Variants in OVCH1 observed in about 807,000 individuals in gnomAD.
OVCH1 encodes ovochymase 1, also known as ovochymase-1.
In OVCH1, 139 loss-of-function variants were observed where a neutral mutation model predicts 138.4. The observed-to-expected ratio is 1.00, with a 90% confidence interval of 0.87 to 1.16. OVCH1 has a LOEUF of 1.16. OVCH1 is among the 50% of genes most tolerant of loss of function. The probability of loss-of-function intolerance (pLI) is 0.00; values close to 1 mark genes in which losing one functional copy is unlikely to be tolerated. For missense variants in OVCH1, 1,367 were observed against 1,357.9 expected, an observed-to-expected ratio of 1.01 and a Z score of -0.11; for synonymous variants, 453 against 467.8, an observed-to-expected ratio of 0.97 and a Z score of 0.41.
rs1233500604 is a variant in OVCH1 at position 29,496,431 on chromosome 12, T to G, written c.183+125A>C. 9 of 1,138,940 alleles carry G rather than the reference T, an allele frequency of 7.9e-6. No individual in the cohort carries two copies. In the South Asian group the frequency reaches 1.2e-4, roughly 16 times the overall value. 70.6% of individuals were successfully genotyped at this position (1,138,940 alleles called of 1,614,324 possible). A position where few individuals can be genotyped will look rare whatever the true frequency, so the allele number is the denominator to read the frequency against. On this transcript the variant is annotated intron_variant, in intron 2 of 27. Transcript: ENST00000318184. ...GTAAGATAGTTCCTACGAAGTAAACTTTTTGGTAGAGAGCTAGAGGGGTTC... is the reference window on the plus strand; with the variant it reads ...GTAAGATAGTTCCTACGAAGTAAACGTTTTGGTAGAGAGCTAGAGGGGTTC...
chr12:29,445,423 C>G lies in OVCH1; in HGVS notation c.2756-20G>C, dbSNP rs947277489. The G allele has an allele frequency of 1.3e-6, 2 of 1,585,922 alleles. No homozygotes were observed. The highest frequency in any genetic ancestry group is 1.4e-5 in the African/African-American group (1 of 73,300). ...ATCCACCTAGGTTAAAAAGTGAACT[C>G]TAGTAAAAAATAAGAATGAAAATTT... is the stretch of plus-strand genomic sequence containing the variant. On this transcript the variant is annotated intron_variant, in intron 22 of 27. Coordinates refer to ENST00000318184, the Ensembl canonical transcript of OVCH1.
At chr12:29,495,810 G>A (rs1269636406) in intron 3 of OVCH1, among the ~76,000 whole-genome samples, 1 of 151,876 alleles carries the variant, frequency 6.6e-6, no homozygotes, top group Non-Finnish European at 1.5e-5. Context: ...CTTTTAATCT[G>A]GTCAAATATT....
At chr12:29,414,475 G>A (rs1452943598) in intron 3 of OVCH1, among the ~76,000 whole-genome samples, 1 of 152,170 alleles carries the variant, frequency 6.6e-6, no homozygotes, top group African/African-American at 2.4e-5. Context: ...GCTGCAGCAA[G>A]CATTCCAGAA....
At chr12:29,486,619 A>T (rs1256770259) in intron 7 of OVCH1, among the ~76,000 whole-genome samples, 1 of 152,218 alleles carries the variant, frequency 6.6e-6, no homozygotes, top group African/African-American at 2.4e-5. Context: ...AAGAGTTAAG[A>T]AAACTCAATT....
downstream of OVCH1, among the ~76,000 whole-genome samples, chr12:29,412,060 C>A (rs1327788968): frequency 2.0e-5 from 3 of 152,120 alleles, no homozygotes; most frequent in Non-Finnish European, 4.4e-5. Flanking sequence ...TGATCTCAGA[C>A]TGCTGTGCTA....
intron 16 of OVCH1, among the ~76,000 whole-genome samples, chr12:29,468,901 C>T (rs73278768): frequency 0.084 from 12,829 of 152,112 alleles, 548 homozygotes; most frequent in African/African-American, 0.095. Flanking sequence ...CATGATTTAT[C>T]ATACCATTCT....
At chr12:29,488,196 G>A (rs1434652201) in intron 6 of OVCH1, among the ~76,000 whole-genome samples, 2 of 151,980 alleles carry the variant, frequency 1.3e-5, no homozygotes, top group South Asian at 4.2e-4. Flanking sequence ...AAGGGAGGTA[G>A]TTACAGATAG....
At chr12:29,491,243 A>G in intron 4 of OVCH1, 51 bp from the exon 5 acceptor site, 1 of 1,409,694 alleles carries the variant, frequency 7.1e-7, no homozygotes. Flanking sequence ...GCCATGTTGA[A>G]TATATTTGGA....
intron 22 of OVCH1, among the ~76,000 whole-genome samples, chr12:29,445,643 C>T (rs1197494269): frequency 1.3e-5 from 2 of 152,040 alleles, no homozygotes; most frequent in South Asian, 2.1e-4. Flanking sequence ...TACTATGTTG[C>T]AGTGCTTCCT....
chr12:29,414,020 C>CTTTTTTT (rs74937229), intron 3 of OVCH1, among the ~76,000 whole-genome samples: 1 of 38,528 alleles, frequency 2.6e-5, no homozygotes. Context: ...CTCTCTCTCT[C>CTTTTTTT]TTTTTTTTTT....
chr12:29,415,779 G>T (rs1222609492), intron 3 of OVCH1, among the ~76,000 whole-genome samples: 1 of 152,070 alleles, frequency 6.6e-6, no homozygotes, highest in Non-Finnish European at 1.5e-5. Flanking sequence ...CACAGCAAGG[G>T]CTGTTGTAGA....
intron 26 of OVCH1, chr12:29,439,291 T>A (rs1941424663): frequency 7.0e-7 from 1 of 1,421,848 alleles, no homozygotes; most frequent in African/African-American, 1.5e-5. Context: ...AGATGTTATA[T>A]AAGCCCAAGT....
intron 26 of OVCH1, chr12:29,433,861 T>C (rs1941311964): frequency 7.5e-7 from 1 of 1,329,910 alleles, no homozygotes; most frequent in Non-Finnish European, 9.9e-7. Context: ...CCAAACTGTA[T>C]TTCAATTAAC....
chr12:29,445,491 C>T (rs1941588921), intron 22 of OVCH1, 88 bp from the exon 23 acceptor site: 1 of 1,294,058 alleles, frequency 7.7e-7, no homozygotes, highest in Non-Finnish European at 1.1e-6. Flanking sequence ...TAATTTAACC[C>T]ACGAGGTAGG....
At chr12:29,460,397 A>T (rs553018913) in intron 19 of OVCH1, among the ~76,000 whole-genome samples, 7 of 152,256 alleles carry the variant, frequency 4.6e-5, no homozygotes, top group African/African-American at 1.7e-4. Flanking sequence ...TACTTTTGTG[A>T]TTTTTATCAG....
intron 8 of OVCH1, among the ~76,000 whole-genome samples, chr12:29,483,240 C>T (rs1322788650): frequency 6.6e-6 from 1 of 152,100 alleles, no homozygotes; most frequent in African/African-American, 2.4e-5. Context: ...ACATTGTACC[C>T]TAGAGGTCCT....
At chr12:29,463,254 C>A (rs770375229) in intron 18 of OVCH1, among the ~76,000 whole-genome samples, 3 of 152,052 alleles carry the variant, frequency 2.0e-5, no homozygotes, top group African/African-American at 7.2e-5. Context: ...CCAGGTAGTG[C>A]GGAATGTGAT....
At chr12:29,423,821 A>G (rs1214766325), downstream of OVCH1, among the ~76,000 whole-genome samples, 1 of 152,222 alleles carries the variant, frequency 6.6e-6, no homozygotes, top group Non-Finnish European at 1.5e-5. Flanking sequence ...GTTAATCTCT[A>G]CATCGTCCTT....
chr12:29,439,358 T>C, exon 26 of OVCH1: 2 of 1,581,860 alleles, frequency 1.3e-6, no homozygotes, highest in Admixed American at 1.8e-5. Context: ...GCATGATATA[T>C]GTGTTAATAA....
Sources: allele counts gnomAD v4.1 joint callset (sites outside exome capture counted in the v4.1 genomes callset), GRCh38; gene constraint gnomAD v4.1.1; transcripts MANE v1.5; gene names NCBI Gene and HGNC (gene_info 2026-07-23, HGNC 2026-07-21).